Variants in SCN10A observed in about 807,000 individuals in gnomAD.
The protein encoded by SCN10A is sodium voltage-gated channel alpha subunit 10.
A neutral mutation model predicts 170.7 loss-of-function variants in SCN10A; 162 were observed. The ratio of observed to expected loss-of-function variants is 0.95; its 90% confidence interval spans 0.84 to 1.08. The LOEUF is 1.08. SCN10A is among the 50% of genes least tolerant of loss of function. The probability of loss-of-function intolerance (pLI) is 0.00; values close to 1 mark genes in which losing one functional copy is unlikely to be tolerated. For synonymous variants in SCN10A, 985 were observed against 904.6 expected, an observed-to-expected ratio of 1.09 and a Z score of -1.59; for missense variants, 2,527 against 2,436.9, an observed-to-expected ratio of 1.04 and a Z score of -0.78.
chr3:38,720,111 C>T (rs1168838816), intron 20 of SCN10A, among the ~76,000 whole-genome samples: 2 of 152,164 alleles, frequency 1.3e-5, no homozygotes, highest in African/African-American at 2.4e-5. Context: ...CAGCTGAAGC[C>T]GGATTTCAAC....
chr3:38,704,482 G>T (rs2063189013), intron 26 of SCN10A, among the ~76,000 whole-genome samples: 1 of 152,334 alleles, frequency 6.6e-6, no homozygotes, highest in Admixed American at 6.5e-5. Flanking sequence ...CTTGCTAGCT[G>T]CTCTTGGATT....
At chr3:38,794,891 A>G (rs2064328790) in intron 1 of SCN10A, among the ~76,000 whole-genome samples, 1 of 152,156 alleles carries the variant, frequency 6.6e-6, no homozygotes, top group African/African-American at 2.4e-5. Flanking sequence ...TGCCAACTTC[A>G]TACCATCAAA....
intron 1 of SCN10A, among the ~76,000 whole-genome samples, chr3:38,796,052 CT>C (rs764574708): frequency 1.1e-4 from 16 of 152,082 alleles, no homozygotes; most frequent in Non-Finnish European, 1.9e-4. Flanking sequence ...TTATCTGTAG[CT>C]CTCAGAAGTC....
intron 3 of SCN10A, 134 bp downstream of exon 3, chr3:38,791,916 C>T (rs1447479927): frequency 5.0e-6 from 6 of 1,210,776 alleles, no homozygotes; most frequent in Admixed American, 2.3e-5. Context: ...GCCATTTTTT[C>T]AATCTAATGA....
chr3:38,710,052 G>T (rs142609868), intron 24 of SCN10A, among the ~76,000 whole-genome samples: 2 of 152,296 alleles, frequency 1.3e-5, no homozygotes, highest in Non-Finnish European at 2.9e-5. Flanking sequence ...GCAGCCTGCA[G>T]GTGAAATCAG....
chr3:38,751,303 T>C (rs1019605211), intron 12 of SCN10A, among the ~76,000 whole-genome samples: 1 of 152,188 alleles, frequency 6.6e-6, no homozygotes, highest in Non-Finnish European at 1.5e-5. Context: ...AGCTTCCCCC[T>C]GTTACTAGTT....
intron 26 of SCN10A, among the ~76,000 whole-genome samples, chr3:38,702,356 C>T (rs1403900680): frequency 6.6e-6 from 1 of 152,214 alleles, no homozygotes; most frequent in Non-Finnish European, 1.5e-5. Flanking sequence ...TGTGCCCTTG[C>T]CTCTATTCAC....
Position 38,741,741 on chromosome 3 carries a change from C to T in SCN10A, c.2106+550G>A, listed in dbSNP as rs141801022. Among the ~76,000 whole-genome samples the T allele has an allele frequency of 6.0e-3, 907 of 152,218 alleles. 5 individuals carry two copies. The highest frequency in any genetic ancestry group is 0.014 in the Middle Eastern group (4 of 294). On this transcript the variant is annotated intron_variant, in intron 14 of 27. Coordinates refer to ENST00000449082, the MANE Select transcript of SCN10A (RefSeq NM_006514.4). ...TAAACTAGATGCCAAAGAAAAGTTC[C>T]GACTTCCTGATGCTTTTGTTACAAC...
intron 13 of SCN10A, among the ~76,000 whole-genome samples, chr3:38,748,325 T>C (rs527838045): frequency 2.0e-5 from 3 of 152,268 alleles, no homozygotes; most frequent in African/African-American, 7.2e-5. Context: ...GAAAAAATAA[T>C]AGAAGAGAGT....
In SCN10A at chr3:38,709,615, C is replaced by A; in HGVS notation, c.4144G>T (p.Val1382Phe). ...TCCTCCCACTTGGGTTGCATGTTGACCTGTGACCAGACAAGGGAGAGTGGG... is the reference window on the plus strand; with the variant it reads ...TCCTCCCACTTGGGTTGCATGTTGAACTGTGACCAGACAAGGGAGAGTGGG... ...IMYAAVDSRE[V>F]NMQPKWEDNV... The change falls in exon 25 of 28, where the codon GTC becomes TTC. Residue 1382 changes from valine to phenylalanine, a missense_variant and splice_region_variant. Coordinates refer to ENST00000449082, the MANE Select transcript of SCN10A (RefSeq NM_006514.4). The A allele has an allele frequency of 6.3e-7, 1 of 1,595,500 alleles. No homozygotes were observed. The highest frequency in any genetic ancestry group is 8.5e-7 in the Non-Finnish European group (1 of 1,171,192).
At position 38,760,576 on chromosome 3, in the gene SCN10A, A is replaced by G. The variant is rs576677862; in HGVS notation, c.950+105T>C. The G allele has an allele frequency of 6.8e-6, 6 of 880,652 alleles. No individual in the cohort carries two copies. In the African/African-American group the frequency reaches 8.3e-5, roughly 12 times the overall value. 54.6% of individuals were successfully genotyped at this position (880,652 alleles called of 1,614,324 possible). A position where few individuals can be genotyped will look rare whatever the true frequency, so the allele number is the denominator to read the frequency against. On this transcript the variant is annotated intron_variant, in intron 8 of 27. Coordinates refer to ENST00000449082, the MANE Select transcript of SCN10A (RefSeq NM_006514.4). ...AAGGCCATGATTTATTTATTTATAC[A>G]TCTTTCCCAGGACCTGCAACCCCAT...
At chr3:38,761,079 G>T in intron 7 of SCN10A, 113 bp downstream of exon 7, 1 of 852,338 alleles carries the variant, frequency 1.2e-6, no homozygotes, top group Non-Finnish European at 1.8e-6. Context: ...TGGCAGGAAA[G>T]GGGAGTCAAA....
intron 1 of SCN10A, among the ~76,000 whole-genome samples, chr3:38,805,718 T>C (rs1199699862): frequency 1.3e-5 from 2 of 152,160 alleles, no homozygotes; most frequent in African/African-American, 4.8e-5. Context: ...TCACTCTACA[T>C]GATCCTGCCC....
chr3:38,727,119 G>T, intron 16 of SCN10A, 67 bp from the exon 17 acceptor site: 1 of 1,468,082 alleles, frequency 6.8e-7, no homozygotes. Flanking sequence ...GGCCTACCGG[G>T]TTAGCAGCTG....
rs1026912024 is a variant in SCN10A at position 38,708,637 on chromosome 3, C to T, written c.4281+841G>A. On this transcript the variant is annotated intron_variant, in intron 25 of 27. Coordinates refer to ENST00000449082, the MANE Select transcript of SCN10A (RefSeq NM_006514.4). ...GCTGTTACAGTGCCAGAAACTGCAC[C>T]ACCAAAGTTGTCTTATGCTCAGTGA... Among the ~76,000 whole-genome samples, 5 of 152,308 alleles carry T rather than the reference C, an allele frequency of 3.3e-5. No individual in the cohort carries two copies. The East Asian group carries it at 7.7e-4, about 24-fold the overall frequency.
At chr3:38,776,830 T>C (rs7430726) in intron 4 of SCN10A, among the ~76,000 whole-genome samples, 31,562 of 151,852 alleles carry the variant, frequency 0.21, 3,897 homozygotes, top group Middle Eastern at 0.31. Flanking sequence ...ATAGATAAAA[T>C]GAAATACACC....
chr3:38,716,900 G>A (rs907090220), intron 21 of SCN10A, among the ~76,000 whole-genome samples: 2 of 152,152 alleles, frequency 1.3e-5, no homozygotes, highest in Non-Finnish European at 2.9e-5. Context: ...ATGAATGGAA[G>A]GGAAAGGGAT....
At chr3:38,809,980 G>T (rs752246673) in intron 1 of SCN10A, among the ~76,000 whole-genome samples, 14 of 152,134 alleles carry the variant, frequency 9.2e-5, no homozygotes, top group African/African-American at 2.7e-4. Flanking sequence ...GACTGTGTTT[G>T]TCACAATATG....
intron 20 of SCN10A, among the ~76,000 whole-genome samples, chr3:38,721,452 A>G (rs2063388906): frequency 6.6e-6 from 1 of 152,162 alleles, no homozygotes; most frequent in African/African-American, 2.4e-5. Flanking sequence ...TCCTGTGTCT[A>G]TGTCTACCTT....
Sources: allele counts gnomAD v4.1 joint callset (sites outside exome capture counted in the v4.1 genomes callset), GRCh38; gene constraint gnomAD v4.1.1; transcripts MANE v1.5; gene names NCBI Gene and HGNC (gene_info 2026-07-23, HGNC 2026-07-21).